Variants in EIF5B observed in about 807,000 individuals in gnomAD.
EIF5B encodes eIF-5B.
In EIF5B, 47 loss-of-function variants were observed where a neutral mutation model predicts 147.5. The ratio of observed to expected loss-of-function variants is 0.32; its 90% confidence interval spans 0.25 to 0.41. The LOEUF is 0.41. Ranked by LOEUF, EIF5B falls within the 10% of genes least tolerant of loss-of-function variation. EIF5B has a pLI of 1.00. For missense variants in EIF5B, 1,064 were observed against 1,413.2 expected, an observed-to-expected ratio of 0.75 and a Z score of 3.96; for synonymous variants, 455 against 456.2, an observed-to-expected ratio of 1.00 and a Z score of 0.03.
intron 16 of EIF5B, 21 bp from the exon 17 acceptor site, chr2:99,390,523 C>G (rs1330815865): frequency 1.9e-6 from 3 of 1,598,630 alleles, no homozygotes; most frequent in Non-Finnish European, 2.6e-6. Flanking sequence ...ATGTCTTTCT[C>G]TTTGCATTAA....
In EIF5B at chr2:99,361,557, A is replaced by T. The variant is rs1274370105; in HGVS notation, c.656A>T (p.Asp219Val). 3.1e-6 allele frequency: 5 copies of T among 1,612,802 alleles called. No individual in the cohort carries two copies. The highest frequency in any genetic ancestry group is 3.4e-6 in the Non-Finnish European group (4 of 1,179,774). ...GPNIESGNED[D>V]DASFKIKTVA... ...AACATAGAAAGTGGGAATGAAGATG[A>T]TGACGCCTCCTTCAAAATTAAGACA... Residue 219 changes from aspartate (D) to valine (V), a missense_variant, in exon 4 of 24, where the codon GAT becomes GTT. By Grantham distance (152) the Asp-to-Val change is radical. Coordinates refer to ENST00000289371, the MANE Select transcript of EIF5B (RefSeq NM_015904.4).
chr2:99,389,382 G>A (rs990518405), intron 14 of EIF5B, among the ~76,000 whole-genome samples: 1 of 152,022 alleles, frequency 6.6e-6, no homozygotes, highest in Admixed American at 6.6e-5. Context: ...TACTTGCTGG[G>A]ATTGATTGAT....
chr2:99,379,270 A>C lies in EIF5B; in HGVS notation c.1951-48A>C, dbSNP rs184841042. 30 of 1,530,516 alleles carry C rather than the reference A, an allele frequency of 2.0e-5. No individual in the cohort carries two copies. The East Asian group carries it at 6.5e-4, about 33-fold the overall frequency. 94.8% of individuals were successfully genotyped at this position (1,530,516 alleles called of 1,614,324 possible). A position where few individuals can be genotyped will look rare whatever the true frequency, so the allele number is the denominator to read the frequency against. On this transcript the variant is annotated intron_variant, in intron 11 of 23. Transcript: ENST00000289371. The stretch of plus-strand genomic sequence containing the variant: ...CTAATTTCTTATTATTTTTGCTGCT[A>C]TCTTTTCCATGTTCAAATACCAATC...
intron 12 of EIF5B, 125 bp downstream of exon 12, chr2:99,379,553 T>C (rs1674646089): frequency 4.5e-6 from 3 of 668,894 alleles, no homozygotes; most frequent in Non-Finnish European, 4.9e-6. Flanking sequence ...AGAATTAACA[T>C]GTACTATTTT....
chr2:99,392,205 G>C (rs898838369), intron 17 of EIF5B, among the ~76,000 whole-genome samples: 3 of 151,874 alleles, frequency 2.0e-5, no homozygotes, highest in African/African-American at 7.3e-5. Context: ...TGTCATCCAG[G>C]CTGGGATTAC....
chr2:99,341,915 C>CT (rs1193847108), intron 1 of EIF5B, among the ~76,000 whole-genome samples: 1 of 152,100 alleles, frequency 6.6e-6, no homozygotes, highest in Non-Finnish European at 1.5e-5. Flanking sequence ...CATTTAGCTT[C>CT]TGAAAAACTC....
intron 8 of EIF5B, among the ~76,000 whole-genome samples, chr2:99,371,314 C>G (rs1370457910): frequency 1.3e-5 from 2 of 151,982 alleles, no homozygotes; most frequent in Admixed American, 1.3e-4. Flanking sequence ...CGGTGAAACC[C>G]CGTCTCTACT....
At chr2:99,356,826 A>G (rs1559246834) in intron 1 of EIF5B, among the ~76,000 whole-genome samples, 1 of 152,140 alleles carries the variant, frequency 6.6e-6, no homozygotes, top group Non-Finnish European at 1.5e-5. Flanking sequence ...ATAGGTATAT[A>G]CCACTATCTC....
chr2:99,349,017 T>C lies in EIF5B; in HGVS notation c.36-11219T>C, dbSNP rs140335966. 6.2e-3 allele frequency among the ~76,000 whole-genome samples: 947 copies of C among 152,364 alleles called. 7 individuals carry two copies. Among genetic ancestry groups the C allele is most frequent in the African/African-American group, 0.021 (867 of 41,584 alleles). On this transcript the variant is annotated intron_variant, in intron 1 of 23. Coordinates refer to ENST00000289371, the MANE Select transcript of EIF5B (RefSeq NM_015904.4). ...CTGGAGTTGTCAGCTGGAGCATCTCTATTTGATCTCTCCTCCTGACCTGGA... is the reference window on the plus strand; with the variant it reads ...CTGGAGTTGTCAGCTGGAGCATCTCCATTTGATCTCTCCTCCTGACCTGGA...
At chr2:99,383,522 C>T (rs1559257104) in intron 14 of EIF5B, among the ~76,000 whole-genome samples, 1 of 152,284 alleles carries the variant, frequency 6.6e-6, no homozygotes, top group East Asian at 1.9e-4. Flanking sequence ...AAGCCAAAGC[C>T]TAATCTAAAG....
intron 1 of EIF5B, among the ~76,000 whole-genome samples, chr2:99,358,337 G>C (rs1674137207): frequency 6.6e-6 from 1 of 152,152 alleles, no homozygotes; most frequent in Non-Finnish European, 1.5e-5. Context: ...AAAGCGCTGG[G>C]ATTACAGGTG....
chr2:99,344,171 C>G (rs966040125), intron 1 of EIF5B, among the ~76,000 whole-genome samples: 2 of 152,000 alleles, frequency 1.3e-5, no homozygotes, highest in East Asian at 1.9e-4. Context: ...CCGCCCGCCT[C>G]GGCCTCCTGA....
chr2:99,400,090 A>G lies in EIF5B; in HGVS notation c.*676A>G, dbSNP rs1675179917. On this transcript the variant is annotated 3_prime_UTR_variant, in exon 24 of 24. Coordinates refer to ENST00000289371, the MANE Select transcript of EIF5B (RefSeq NM_015904.4). ...AGTAAGCAAGCTCTGTTAGGCTTCC[A>G]TGTTAGTGTAGCTTCTCTCCCACAA... 1.3e-5 allele frequency: 2 copies of G among 152,260 alleles called. No homozygotes were observed. The highest frequency in any genetic ancestry group is 2.1e-4 in the South Asian group (1 of 4,836). 9.4% of individuals were successfully genotyped at this position (152,260 alleles called of 1,614,324 possible). A position where few individuals can be genotyped will look rare whatever the true frequency, so the allele number is the denominator to read the frequency against.
At chr2:99,367,884 C>T (rs566680617) in intron 6 of EIF5B, among the ~76,000 whole-genome samples, 2 of 152,210 alleles carry the variant, frequency 1.3e-5, no homozygotes, top group Admixed American at 1.3e-4. Flanking sequence ...AAAATATTTG[C>T]CCAAGAGAAA....
intron 22 of EIF5B, 30 bp downstream of exon 22, chr2:99,396,928 A>C (rs1431891018): frequency 1.3e-6 from 2 of 1,581,418 alleles, no homozygotes; most frequent in Admixed American, 3.8e-5. Flanking sequence ...TCTGTGGGTC[A>C]TTTCTTAAAG....
At chr2:99,350,389 T>A (rs1457698914) in intron 1 of EIF5B, among the ~76,000 whole-genome samples, 1 of 121,866 alleles carries the variant, frequency 8.2e-6, no homozygotes, top group African/African-American at 3.1e-5. Flanking sequence ...CTGTACTAAT[T>A]TACATTTCCC....
chr2:99,390,940 A>T (rs7574135), intron 17 of EIF5B, among the ~76,000 whole-genome samples: 94,078 of 151,984 alleles, frequency 0.62, 29,927 homozygotes, highest in African/African-American at 0.75. Context: ...CTACACTGTT[A>T]TGGTTCTACA....
Position 99,368,496 on chromosome 2 carries a change from T to C in EIF5B, c.1292T>C (p.Val431Ala). The C allele has an allele frequency of 6.2e-7, 1 of 1,613,322 alleles. No homozygotes were observed. The highest frequency in any genetic ancestry group is 1.1e-5 in the South Asian group (1 of 91,024). ...ATLKLLQAQG[V>A]EVPSKDSLPK... ...GTTTTTCATTTTTATCCCTCAGGTG[T>C]TGAAGTGCCATCAAAAGACTCTTTG... The change falls in exon 7 of 24, where the codon GTT (valine) becomes GCT (alanine). Residue 431 changes from valine (V) to alanine (A), a missense_variant. Val to Ala is a moderately conservative substitution (Grantham distance 64, BLOSUM62 0). Around this residue, in one of 4 missense-constraint regions of EIF5B, gnomAD observed 31 missense variants for 60.1 expected, o/e 0.52. Transcript: ENST00000289371.
intron 18 of EIF5B, 49 bp from the exon 19 acceptor site, chr2:99,394,218 G>A (rs746707907): frequency 2.6e-6 from 4 of 1,561,448 alleles, no homozygotes; most frequent in Non-Finnish European, 3.4e-6. Flanking sequence ...CTAGACTGCT[G>A]AGGATAGAGG....
Sources: allele counts gnomAD v4.1 joint callset (sites outside exome capture counted in the v4.1 genomes callset), GRCh38; gene constraint gnomAD v4.1.1; regional missense constraint gnomAD v4.1.1; transcripts MANE v1.5; gene names NCBI Gene and HGNC (gene_info 2026-07-23, HGNC 2026-07-21).